The following GPR179 variants were observed in gnomAD, a reference collection of about 807,000 sequenced individuals.
The protein encoded by GPR179 is probable G protein-coupled receptor 179.
GPR179 carries 52 observed loss-of-function variants against 70.8 expected under a neutral mutation model. That is an observed-to-expected ratio of 0.73 (90% CI 0.59 to 0.93). The LOEUF is 0.93. Among genes scored for constraint, GPR179 ranks in the 40% least tolerant of loss-of-function variants. The pLI, the probability that GPR179 is intolerant of heterozygous loss-of-function variation, is 0.00. For synonymous variants in GPR179, 1,123 were observed against 1,169.0 expected (o/e 0.96, Z 0.80); for missense variants, 2,734 against 2,966.8 (o/e 0.92, Z 1.82).
Position 38,329,315 on chromosome 17 carries a change from C to G in GPR179, c.4254G>C (p.Gln1418His). 3 of 1,612,942 alleles carry G rather than the reference C, an allele frequency of 1.9e-6. No individual in the cohort carries two copies. Among genetic ancestry groups the G allele is most frequent in the Non-Finnish European group, 2.5e-6 (3 of 1,179,598 alleles). The change falls in exon 11 of 11, where the codon CAG (glutamine) becomes CAC (histidine). Residue 1418 changes from glutamine (Q) to histidine (H), a missense_variant. Gln to His is a conservative substitution (Grantham distance 24). Coordinates refer to ENST00000616987, the MANE Select transcript of GPR179 (RefSeq NM_001004334.4). ...KTRKATFWKE[Q>H]KPGGDLESLC... ...GAGACTCCAAGTCTCCTCCCGGTTT[C>G]TGTTCTTTCCAAAAGGTTGCTTTCC...
rs767411691 is a variant in GPR179, at chr17:38,334,995, G to A, written c.1645+38C>T. 5 of 1,587,316 alleles carry A rather than the reference G, an allele frequency of 3.1e-6. No individual in the cohort carries two copies. Among genetic ancestry groups the A allele is most frequent in the Non-Finnish European group, 4.3e-6 (5 of 1,158,316 alleles). Reference sequence around the variant, plus strand: ...AGGAACCCTGGAGGCACAGAGGCAGGGACCAGCGTAAGGCTGGGCTCAGCA... The same window carrying A: ...AGGAACCCTGGAGGCACAGAGGCAGAGACCAGCGTAAGGCTGGGCTCAGCA... On this transcript the variant is annotated intron_variant, in intron 7 of 10. Transcript: ENST00000616987. This position sits in a 1 kb window ranked among gnomAD's most constrained non-coding sequence, Gnocchi z 4.7.
At chr17:38,338,385 A>T (rs1393103070) in intron 2 of GPR179, among the ~76,000 whole-genome samples, 9 of 152,208 alleles carry the variant, frequency 5.9e-5, no homozygotes, top group Non-Finnish European at 1.5e-5. Flanking sequence ...AGTGGCTGGG[A>T]ACAGACATCA....
rs780469576 is a variant in GPR179 at position 38,330,210 on chromosome 17, C to T, written c.3359G>A (p.Gly1120Glu). 1 of 1,568,728 alleles carries T rather than the reference C, an allele frequency of 6.4e-7. No individual in the cohort carries two copies. Among genetic ancestry groups the T allele is most frequent in the African/African-American group, 1.4e-5 (1 of 73,740 alleles). Residue 1120 changes from glycine to glutamate, a missense_variant, in exon 11 of 11, where the codon GGA becomes GAA. By Grantham distance (98) the Gly-to-Glu change is moderately conservative. Coordinates refer to ENST00000616987, the MANE Select transcript of GPR179 (RefSeq NM_001004334.4). ...SPEGQNSGTA[G>E]ESMGAPSRSP... Reference sequence around the variant, plus strand: ...TCGGGAGGGTGCCCCCATACTCTCTCCCGCAGTCCCGCTGTTCTGCCCCTC... The same window carrying T: ...TCGGGAGGGTGCCCCCATACTCTCTTCCGCAGTCCCGCTGTTCTGCCCCTC...
chr17:38,338,204 C>T (rs115971621), intron 2 of GPR179, among the ~76,000 whole-genome samples: 1,868 of 152,338 alleles, frequency 0.012, 37 homozygotes, highest in African/African-American at 0.042. Context: ...ATCTGGCTTT[C>T]GCACAGGACT....
rs546150275 is a variant in GPR179 at position 38,329,546 on chromosome 17, G to T, written c.4023C>A (p.Gly1341=). The T allele has an allele frequency of 6.2e-5, 100 of 1,613,948 alleles. 1 individual carries two copies. The Admixed American group carries it at 7.2e-4, about 12-fold the overall frequency. ...LSPGSAPQDP[G]RIRDKSEAGD... ...CCGCCTCAGATTTGTCTCTGATTCT[G>T]CCAGGGTCCTGAGGAGCTGACCCAG... Residue 1341 remains glycine (G), a synonymous_variant, in exon 11 of 11, where the codon GGC becomes GGA. Transcript: ENST00000616987.
rs773413256 is a variant in GPR179 at position 38,327,129 on chromosome 17, CT to C, written c.6439del (p.Arg2147GlufsTer88). On this transcript the variant is annotated frameshift_variant, in exon 11 of 11. Coordinates refer to ENST00000616987, the MANE Select transcript of GPR179 (RefSeq NM_001004334.4). LOFTEE classifies it low-confidence loss of function (END_TRUNC). ...GGAAEEGEQERESQGQGEMFL... is the reference protein window; with the variant it reads ...GGAAEEGEQEXESQGQGEMFL... ...CATCTCTCCTTGCCCTTGTGATTCT[CT>C]TTCCTGTTCCCCTTCCTCTGCTGCT... is the stretch of plus-strand genomic sequence containing the variant. The C allele has an allele frequency of 1.7e-5, 28 of 1,614,148 alleles. No individual in the cohort carries two copies. The highest frequency in any genetic ancestry group is 2.7e-5 in the African/African-American group (2 of 74,954).
chr17:38,335,423 C>T, intron 6 of GPR179, 152 bp from the exon 7 acceptor site: 1 of 800,410 alleles, frequency 1.2e-6, no homozygotes, highest in Non-Finnish European at 2.0e-6. Context: ...CTTTTGCTAC[C>T]CCCCCACAAA....
rs755204972 is a variant in GPR179 at position 38,343,393 on chromosome 17, G to A, written c.397C>T (p.Leu133=). The A allele has an allele frequency of 4.3e-6, 7 of 1,614,192 alleles. No homozygotes were observed. Among genetic ancestry groups the A allele is most frequent in the South Asian group, 2.2e-5 (2 of 91,082 alleles). Residue 133 remains leucine, a synonymous_variant, in exon 1 of 11, where the codon CTG becomes TTG. Transcript: ENST00000616987. This position sits in a 1 kb window ranked among gnomAD's most constrained non-coding sequence, Gnocchi z 4.2. ...TCCCCCTCGGCCACGCTGCGGACCA[G>A]TGCCTGGTACCATTCCACATCCTCC... ...VEEDVEWYQA[L]VRSVAEGDPR... is the part of the protein sequence containing the mutation.
chr17:38,335,598 G>A lies in GPR179; in HGVS notation c.1399C>T (p.Leu467Phe). The A allele has an allele frequency of 6.2e-7, 1 of 1,611,080 alleles. No homozygotes were observed. Among genetic ancestry groups the A allele is most frequent in the Non-Finnish European group, 8.5e-7 (1 of 1,177,218 alleles). Residue 467 changes from leucine to phenylalanine, a missense_variant, in exon 6 of 11, where the codon CTT (leucine) becomes TTT (phenylalanine). Coordinates refer to ENST00000616987, the MANE Select transcript of GPR179 (RefSeq NM_001004334.4). ...AIVYGTIILKLYRVLQLFLSR... is the reference protein window; with the variant it reads ...AIVYGTIILKFYRVLQLFLSR... ...GTCTGCCCCAGGCCGTACCTGTAAA[G>A]CTTGAGTATGATGGTGCCGTAGACG...
rs1348275234 is a variant in GPR179 at position 38,335,996 on chromosome 17, G to T, written c.1296+80C>A. ...GAATCCCTTCCAGAGGGCAGAGAAGGGTTCTGGGGCTTGGAGGGTGCCAGG... is the reference window on the plus strand; with the variant it reads ...GAATCCCTTCCAGAGGGCAGAGAAGTGTTCTGGGGCTTGGAGGGTGCCAGG... On this transcript the variant is annotated intron_variant, in intron 5 of 10. Transcript: ENST00000616987. 9 of 989,318 alleles carry T rather than the reference G, an allele frequency of 9.1e-6. No individual in the cohort carries two copies. In the East Asian group the frequency reaches 2.1e-4, roughly 23 times the overall value. The allele number at this position is 989,318 out of a possible 1,614,324, so 61.3% of individuals were successfully genotyped here. A position where few individuals can be genotyped will look rare whatever the true frequency, so the allele number is the denominator to read the frequency against.
At position 38,333,923 on chromosome 17, in the gene GPR179, AG is replaced by A; in HGVS notation, c.1890+9del. The A allele has an allele frequency of 6.3e-7, 1 of 1,599,216 alleles. No homozygotes were observed. The highest frequency in any genetic ancestry group is 1.3e-5 in the African/African-American group (1 of 74,576). On this transcript the variant is annotated intron_variant, in intron 9 of 10. Transcript: ENST00000616987. ...GGGTCCACCTCACAGGCAGGAGGGG[AG>A]GGCCTCACCTTAGGGATGAAGATCA...
Position 38,329,909 on chromosome 17 carries a change from G to A in GPR179, c.3660C>T (p.Val1220=), listed in dbSNP as rs746793498. The A allele has an allele frequency of 6.8e-6, 11 of 1,614,100 alleles. No individual in the cohort carries two copies. In the South Asian group the frequency reaches 1.1e-4, roughly 16 times the overall value. ...CAGCTTTGGGCAGTTCCTGCCACCC[G>A]ACAGGGGTTTCTTTTGATTGCTTGA... ...KNIKQSKETP[V]GWQELPKAGL... The change falls in exon 11 of 11, where the codon GTC becomes GTT. Residue 1220 remains valine (V), a synonymous_variant. Transcript: ENST00000616987.
chr17:38,330,110 G>C lies in GPR179; in HGVS notation c.3459C>G (p.Leu1153=), dbSNP rs2144261321. The change falls in exon 11 of 11, where the codon CTC becomes CTG. Residue 1153 remains leucine (L), a synonymous_variant. Coordinates refer to ENST00000616987, the MANE Select transcript of GPR179 (RefSeq NM_001004334.4). ...TGGTGTGAGCGTTCTGTTGGTTCTG[G>C]AGGGACTCCTTGTCATCGGAGGGGA... The part of the protein sequence containing the change: ...ALIPSDDKES[L]QNQQNAHTSR... 1.9e-6 allele frequency: 3 copies of C among 1,611,258 alleles called. No individual in the cohort carries two copies. In the South Asian group the frequency reaches 3.3e-5, roughly 18 times the overall value.
Position 38,330,576 on chromosome 17 carries a change from G to T in GPR179, c.2993C>A (p.Ala998Glu). 1 of 1,577,398 alleles carries T rather than the reference G, an allele frequency of 6.3e-7. No individual in the cohort carries two copies. The highest frequency in any genetic ancestry group is 8.6e-7 in the Non-Finnish European group (1 of 1,163,926). The change falls in exon 11 of 11, where the codon GCA becomes GAA. Residue 998 changes from alanine to glutamate, a missense_variant. Coordinates refer to ENST00000616987, the MANE Select transcript of GPR179 (RefSeq NM_001004334.4). ...ATTTTCTTGCTTGGCTGGCAGTTCTGCGTTCTCCCAGGGGCAGATGTAGGT... is the reference window on the plus strand; with the variant it reads ...ATTTTCTTGCTTGGCTGGCAGTTCTTCGTTCTCCCAGGGGCAGATGTAGGT... ...LLTYICPWEN[A>E]ELPAKQENVP...
rs1169547131 is a variant in GPR179 at position 38,339,508 on chromosome 17, T to C, written c.812A>G (p.Asp271Gly). ...SPEVRGQVQM[D>G]VDLQSVDINQ... Reference sequence around the variant, plus strand: ...GATGTCCACACTCTGGAGATCTACGTCCATCTGCACCTGCCCCCTACGGCA... The same window carrying C: ...GATGTCCACACTCTGGAGATCTACGCCCATCTGCACCTGCCCCCTACGGCA... The change falls in exon 2 of 11, where the codon GAC becomes GGC. Residue 271 changes from aspartate to glycine, a missense_variant. Asp to Gly is a moderately conservative substitution (Grantham distance 94, BLOSUM62 -1). Coordinates refer to ENST00000616987, the MANE Select transcript of GPR179 (RefSeq NM_001004334.4). 6.2e-7 allele frequency: 1 copy of C among 1,613,778 alleles called. No homozygotes were observed. Among genetic ancestry groups the C allele is most frequent in the African/African-American group, 1.3e-5 (1 of 75,018 alleles).
In GPR179 at chr17:38,328,786, AG is replaced by A. The variant is rs2037318566; in HGVS notation, c.4782del (p.Trp1595GlyfsTer3). Reference sequence around the variant, plus strand: ...TCTCTTGTTCTTTCATTTACCTCCCAGGGACAGATTTCTGTTTTGGCAGGTG... The same window carrying A: ...TCTCTTGTTCTTTCATTTACCTCCCAGGACAGATTTCTGTTTTGGCAGGTG... ...EATPAKTEIC[P>X]WEVNERTREE... is the part of the protein sequence containing the mutation. On this transcript the variant is annotated frameshift_variant, in exon 11 of 11. Coordinates refer to ENST00000616987, the MANE Select transcript of GPR179 (RefSeq NM_001004334.4). LOFTEE classifies it low-confidence loss of function (END_TRUNC). 1 of 1,613,998 alleles carries A rather than the reference AG, an allele frequency of 6.2e-7. No individual in the cohort carries two copies. Among genetic ancestry groups the A allele is most frequent in the African/African-American group, 1.3e-5 (1 of 74,890 alleles).
rs772734075 is a variant in GPR179 at position 38,329,836 on chromosome 17, G to C, written c.3733C>G (p.Pro1245Ala). Residue 1245 changes from proline (P) to alanine (A), a missense_variant, in exon 11 of 11, where the codon CCC becomes GCC. Pro to Ala is a conservative substitution (Grantham distance 27). Transcript: ENST00000616987. ...SADHRVAEVC[P>A]WEVTESETRQ... ...GTTTCTGATTCAGTGACCTCCCAGG[G>C]GCATACCTCTGCCACCCTGTGGTCA... The C allele has an allele frequency of 3.1e-6, 5 of 1,614,012 alleles. No individual in the cohort carries two copies. In the South Asian group the frequency reaches 5.5e-5, roughly 18 times the overall value.
Position 38,343,151 on chromosome 17 carries a change from C to T in GPR179, c.639G>A (p.Lys213=), listed in dbSNP as rs926070222. ...TNDLGSLGSP[K]WPQADGYVGD... Reference sequence around the variant, plus strand: ...CCACATATCCATCTGCCTGCGGCCACTTGGGGCTGCCGAGGCTCCCTAGGT... The same window carrying T: ...CCACATATCCATCTGCCTGCGGCCATTTGGGGCTGCCGAGGCTCCCTAGGT... Residue 213 remains lysine, a synonymous_variant, in exon 1 of 11, where the codon AAG becomes AAA. Coordinates refer to ENST00000616987, the MANE Select transcript of GPR179 (RefSeq NM_001004334.4). This position sits in a 1 kb window ranked among gnomAD's most constrained non-coding sequence, Gnocchi z 4.2. 3 of 1,614,180 alleles carry T rather than the reference C, an allele frequency of 1.9e-6. No individual in the cohort carries two copies. The highest frequency in any genetic ancestry group is 2.5e-6 in the Non-Finnish European group (3 of 1,180,006).
At chr17:38,331,657 TC>T in intron 10 of GPR179, 126 bp from the exon 11 acceptor site, 3 of 1,449,952 alleles carry the variant, frequency 2.1e-6, no homozygotes, top group Non-Finnish European at 2.7e-6. Flanking sequence ...CTGTATCTCT[TC>T]CCTGCTTCTA....
Sources: allele counts gnomAD v4.1 joint callset (sites outside exome capture counted in the v4.1 genomes callset), GRCh38; gene constraint gnomAD v4.1.1; non-coding constraint Gnocchi (gnomAD v3.1); transcripts MANE v1.5; gene names NCBI Gene and HGNC (gene_info 2026-07-23, HGNC 2026-07-21).